Variants in CD226 observed in about 807,000 individuals in gnomAD.
The protein encoded by CD226 is CD226 molecule, also known as CD226 antigen.
A neutral mutation model predicts 34.9 loss-of-function variants in CD226; 24 were observed. The ratio of observed to expected loss-of-function variants is 0.69; its 90% CI spans 0.50 to 0.97. CD226 has a LOEUF of 0.97. CD226 is among the 50% of genes least tolerant of loss of function. CD226 has a pLI of 0.00. For missense variants in CD226, 397 were observed against 412.7 expected (o/e 0.96, Z 0.33); for synonymous variants, 148 against 147.4 (o/e 1.00, Z -0.03).
intron 2 of CD226, among the ~76,000 whole-genome samples, chr18:69,911,327 C>T (rs1220666162): frequency 1.3e-5 from 2 of 152,096 alleles, no homozygotes; most frequent in African/African-American, 4.8e-5. Context: ...AACTGAACAC[C>T]GGCATCCTTT....
intron 3 of CD226, among the ~76,000 whole-genome samples, chr18:69,880,392 AAAG>A (rs1430449969): frequency 1.4e-5 from 2 of 147,836 alleles, no homozygotes; most frequent in Non-Finnish European, 3.0e-5. Flanking sequence ...GGAAAGAAAG[AAAG>A]AAGGAGGGAA....
chr18:69,867,496 C>T (rs538007304), intron 4 of CD226, 85 bp from the exon 5 acceptor site: 3 of 854,550 alleles, frequency 3.5e-6, no homozygotes, highest in Non-Finnish European at 5.9e-6. Flanking sequence ...TCACTGTACC[C>T]CTAGCCCACA....
chr18:69,901,278 G>A (rs1160082067), intron 2 of CD226, among the ~76,000 whole-genome samples: 1 of 152,188 alleles, frequency 6.6e-6, no homozygotes, highest in African/African-American at 2.4e-5. Flanking sequence ...ATGCAAAGTA[G>A]ACACTTAATA....
chr18:69,937,328 T>G (rs1043395905), intron 2 of CD226, among the ~76,000 whole-genome samples: 3 of 152,094 alleles, frequency 2.0e-5, no homozygotes, highest in Non-Finnish European at 4.4e-5. Context: ...ATCTAGAAAA[T>G]AGCTGTCTAT....
rs371560462 is a variant in CD226 at position 69,877,106 on chromosome 18, C to T, written c.728-3860G>A. Among the ~76,000 whole-genome samples the T allele has an allele frequency of 6.6e-5, 10 of 152,118 alleles. No individual in the cohort carries two copies. In the East Asian group the frequency reaches 9.7e-4, roughly 15 times the overall value. Reference sequence around the variant, plus strand: ...CTCGAACTCCTCACCTAAGGTGATCCGCCCTCCTCGGCCTCCCAAAGTGCT... The same window carrying T: ...CTCGAACTCCTCACCTAAGGTGATCTGCCCTCCTCGGCCTCCCAAAGTGCT... On this transcript the variant is annotated intron_variant, in intron 3 of 5. Transcript: ENST00000582621.
intron 4 of CD226, among the ~76,000 whole-genome samples, chr18:69,869,881 A>G (rs1599373834): frequency 6.7e-6 from 1 of 149,212 alleles, no homozygotes; most frequent in Non-Finnish European, 1.5e-5. Flanking sequence ...GCTCACTGCA[A>G]CCTCCGCCTC....
At chr18:69,876,424 A>G (rs1405577120) in intron 3 of CD226, among the ~76,000 whole-genome samples, 2 of 152,242 alleles carry the variant, frequency 1.3e-5, no homozygotes, top group African/African-American at 4.8e-5. Flanking sequence ...GCATTGTTTC[A>G]TAGGAAATAT....
In CD226 at chr18:69,853,628, C is replaced by T. The variant is rs1409223119; in HGVS notation, c.*10686G>A. On this transcript the variant is annotated 3_prime_UTR_variant, in exon 6 of 6. Coordinates refer to ENST00000582621, the MANE Select transcript of CD226 (RefSeq NM_001303618.2). ...TTAACAGAATTTCCCCCAAAAAATG[C>T]TTGTGAAATCTGGTGCTTTAGACTG... The T allele has an allele frequency of 2.0e-5, 3 of 152,178 alleles. No individual in the cohort carries two copies. The highest frequency in any genetic ancestry group is 2.9e-5 in the Non-Finnish European group (2 of 68,020). 9.4% of individuals were successfully genotyped at this position (152,178 alleles called of 1,614,324 possible).
intron 2 of CD226, among the ~76,000 whole-genome samples, chr18:69,937,500 T>C (rs1412450692): frequency 1.3e-5 from 2 of 152,146 alleles, no homozygotes; most frequent in Non-Finnish European, 2.9e-5. Context: ...ATGCGACTTA[T>C]TTTTTTGCCT....
At chr18:69,944,877 A>G (rs1435620576) in intron 2 of CD226, among the ~76,000 whole-genome samples, 1 of 152,176 alleles carries the variant, frequency 6.6e-6, no homozygotes, top group African/African-American at 2.4e-5. Flanking sequence ...GTAAATTGAC[A>G]CTCTATAAGC....
At chr18:69,867,435 A>T in intron 4 of CD226, 24 bp from the exon 5 acceptor site, 1 of 1,403,736 alleles carries the variant, frequency 7.1e-7, no homozygotes, top group Non-Finnish European at 1.0e-6. Context: ...TCAATAAAGG[A>T]TATAAAGATA....
chr18:69,857,607 A>G lies in CD226; in HGVS notation c.*6707T>C, dbSNP rs1365475930. On this transcript the variant is annotated 3_prime_UTR_variant, in exon 6 of 6. Transcript: ENST00000582621. Reference sequence around the variant, plus strand: ...GTTGAGATTATGTAAATTTTGAAGAATGAAGAAAGTAAGTTATCATAGCTT... The same window carrying G: ...GTTGAGATTATGTAAATTTTGAAGAGTGAAGAAAGTAAGTTATCATAGCTT... 6.6e-6 allele frequency: 1 copy of G among 152,266 alleles called. No homozygotes were observed. The highest frequency in any genetic ancestry group is 1.5e-5 in the Non-Finnish European group (1 of 68,044). The allele number at this position is 152,266 out of a possible 1,614,324, so 9.4% of individuals were successfully genotyped here.
At chr18:69,899,854 G>A (rs1478727648) in intron 2 of CD226, among the ~76,000 whole-genome samples, 2 of 152,192 alleles carry the variant, frequency 1.3e-5, no homozygotes, top group Admixed American at 6.5e-5. Context: ...TTCAACCATT[G>A]TGGAAAGCAG....
Position 69,895,768 on chromosome 18 carries a change from G to C in CD226, c.660C>G (p.Tyr220Ter), listed in dbSNP as rs2145244756. The C allele has an allele frequency of 6.2e-7, 1 of 1,614,186 alleles. No homozygotes were observed. The highest frequency in any genetic ancestry group is 1.3e-5 in the African/African-American group (1 of 75,038). ...CTGCGCTGGCCTGCAAGTAGCAGCGGTAAAGCCCCGAGTCTGAGACTGTGA... is the reference window on the plus strand; with the variant it reads ...CTGCGCTGGCCTGCAAGTAGCAGCGCTAAAGCCCCGAGTCTGAGACTGTGA... ...PDVTVSDSGL[Y>*]RCYLQASAGE... Residue 220 changes from tyrosine (Y) to a stop codon, truncating the protein, a stop_gained, in exon 3 of 6, where the codon TAC becomes TAG. Transcript: ENST00000582621. LOFTEE classifies it high-confidence loss of function.
intron 3 of CD226, among the ~76,000 whole-genome samples, chr18:69,892,863 GAACT>G (rs1335421246): frequency 1.3e-5 from 2 of 152,236 alleles, no homozygotes; most frequent in Non-Finnish European, 2.9e-5. Flanking sequence ...AAGTCATTGA[GAACT>G]AACAAAAGTA....
chr18:69,864,458 G>A lies in CD226; in HGVS notation c.886-19C>T. 6.2e-7 allele frequency: 1 copy of A among 1,610,674 alleles called. No homozygotes were observed. Among genetic ancestry groups the A allele is most frequent in the Non-Finnish European group, 8.5e-7 (1 of 1,178,352 alleles). On this transcript the variant is annotated intron_variant, in intron 5 of 5. Transcript: ENST00000582621. ...TGGGTGCCTAGAAAGACAAACAGCAGAGAGTGTCAATAATTCACTGCATTT... is the reference window on the plus strand; with the variant it reads ...TGGGTGCCTAGAAAGACAAACAGCAAAGAGTGTCAATAATTCACTGCATTT...
At chr18:69,921,999 C>T (rs535536641) in intron 2 of CD226, among the ~76,000 whole-genome samples, 81 of 152,152 alleles carry the variant, frequency 5.3e-4, no homozygotes, top group African/African-American at 1.8e-3. Context: ...TTAGGGACCT[C>T]GTTATTACCA....
In CD226 at chr18:69,856,945, G is replaced by T. The variant is rs1350902117; in HGVS notation, c.*7369C>A. 1 of 152,230 alleles carries T rather than the reference G, an allele frequency of 6.6e-6. No homozygotes were observed. Among genetic ancestry groups the T allele is most frequent in the Non-Finnish European group, 1.5e-5 (1 of 68,050 alleles). 9.4% of individuals were successfully genotyped at this position (152,230 alleles called of 1,614,324 possible). On this transcript the variant is annotated 3_prime_UTR_variant, in exon 6 of 6. Coordinates refer to ENST00000582621, the MANE Select transcript of CD226 (RefSeq NM_001303618.2). The stretch of plus-strand genomic sequence containing the variant: ...GCACGTTGGGAGGCCGAGGCGGGCG[G>T]ATCACGAGGTCAGGAGATCGAGACC...
chr18:69,913,685 G>A (rs2055352950), intron 2 of CD226, among the ~76,000 whole-genome samples: 1 of 152,164 alleles, frequency 6.6e-6, no homozygotes, highest in Non-Finnish European at 1.5e-5. Flanking sequence ...TTGGGAAGGA[G>A]GCAGGAGAAG....
Sources: gnomAD v4.1 joint callset for allele counts (sites outside exome capture counted in the v4.1 genomes callset) on GRCh38, gnomAD v4.1.1 for gene constraint, MANE v1.5 for transcripts, NCBI Gene and HGNC (gene_info 2026-07-23, HGNC 2026-07-21) for gene names.